The following GALNTL6 variants were observed in gnomAD, a reference collection of about 807,000 sequenced individuals.
The protein encoded by GALNTL6 is polypeptide N-acetylgalactosaminyltransferase like 6.
Under a neutral mutation model 73.7 loss-of-function variants are expected in GALNTL6, and 46 were observed. The observed-to-expected ratio is 0.62, with a 90% confidence interval of 0.49 to 0.80. The LOEUF is 0.80. Ranked by LOEUF, GALNTL6 falls within the 30% of genes least tolerant of loss-of-function variation. The probability of loss-of-function intolerance (pLI) is 0.00; values close to 1 mark genes in which losing one functional copy is unlikely to be tolerated. For missense variants in GALNTL6, 604 were observed against 755.0 expected (o/e 0.80, Z 2.34); for synonymous variants, 259 against 263.7 (o/e 0.98, Z 0.17).
intron 7 of GALNTL6, among the ~76,000 whole-genome samples, chr4:172,863,388 C>T (rs956428421): frequency 5.3e-5 from 8 of 152,200 alleles, no homozygotes; most frequent in African/African-American, 1.9e-4. Context: ...CTGTACCCTG[C>T]AAATCCACAT....
chr4:172,023,153 G>A lies in GALNTL6; in HGVS notation c.139-206503G>A, dbSNP rs982186245. Among the ~76,000 whole-genome samples the A allele has an allele frequency of 7.2e-5, 11 of 151,836 alleles. 1 individual carries two copies. The South Asian group carries it at 1.9e-3, about 26-fold the overall frequency. On this transcript the variant is annotated intron_variant, in intron 2 of 12. Coordinates refer to ENST00000506823, the MANE Select transcript of GALNTL6 (RefSeq NM_001034845.3). ...TATCTTGCTTAGCTCTGAGTGGCTT[G>A]CACCAATATATATCCAGAAATGAAA...
intron 5 of GALNTL6, among the ~76,000 whole-genome samples, chr4:172,460,934 A>G (rs182389320): frequency 6.6e-6 from 1 of 152,194 alleles, no homozygotes; most frequent in Non-Finnish European, 1.5e-5. Flanking sequence ...TTATTTCAGC[A>G]CTATTCACAA....
intron 5 of GALNTL6, among the ~76,000 whole-genome samples, chr4:172,378,438 C>T (rs865899606): frequency 2.0e-5 from 3 of 152,060 alleles, no homozygotes; most frequent in Non-Finnish European, 2.9e-5. Flanking sequence ...CAGTTAAGCA[C>T]AAAATTAATG....
chr4:172,219,219 A>ATATATATATATATATATATATC, intron 2 of GALNTL6, among the ~76,000 whole-genome samples: 1 of 147,258 alleles, frequency 6.8e-6, no homozygotes, highest in Non-Finnish European at 1.5e-5. Flanking sequence ...ATATATATAT[A>ATATATATATATATATATATATC]TATAATCCTT....
At chr4:172,553,179 T>C (rs548750994) in intron 5 of GALNTL6, among the ~76,000 whole-genome samples, 1 of 152,342 alleles carries the variant, frequency 6.6e-6, no homozygotes, top group African/African-American at 2.4e-5. Context: ...AAGTTGAATA[T>C]GATTCAAACC....
chr4:172,747,837 C>CAA lies in GALNTL6; in HGVS notation c.554-61512_554-61511dup, dbSNP rs374876929. Among the ~76,000 whole-genome samples, 459 of 131,766 alleles carry CAA rather than the reference C, an allele frequency of 3.5e-3. 7 individuals carry two copies. The highest frequency in any genetic ancestry group is 0.017 in the Admixed American group (227 of 13,140). 86.4% of individuals were successfully genotyped at this position (131,766 alleles called of 152,430 possible). ...ACAATGGAATTGTGCTATTCAGCTT[C>CAA]AAAAAAAAAAAAAGCCACAGGAAAA... On this transcript the variant is annotated intron_variant, in intron 5 of 12. Transcript: ENST00000506823.
intron 10 of GALNTL6, among the ~76,000 whole-genome samples, chr4:173,006,488 G>A (rs542936894): frequency 2.6e-5 from 4 of 152,216 alleles, no homozygotes; most frequent in African/African-American, 9.6e-5. Context: ...TGACCTTCTG[G>A]GTGTTTCTAT....
At chr4:173,005,959 T>C (rs756068199) in intron 10 of GALNTL6, among the ~76,000 whole-genome samples, 6 of 152,208 alleles carry the variant, frequency 3.9e-5, no homozygotes, top group South Asian at 2.1e-4. Context: ...CAGAGGCCTT[T>C]TGAGCTCATA....
intron 5 of GALNTL6, among the ~76,000 whole-genome samples, chr4:172,660,714 C>G (rs1369503584): frequency 6.6e-6 from 1 of 152,144 alleles, no homozygotes; most frequent in African/African-American, 2.4e-5. Flanking sequence ...TAAGCACACA[C>G]TTTGCTCAAG....
intron 3 of GALNTL6, among the ~76,000 whole-genome samples, chr4:172,295,253 C>G (rs34728024): frequency 6.6e-6 from 1 of 151,934 alleles, no homozygotes; most frequent in Middle Eastern, 3.2e-3. Flanking sequence ...AAAACTCTTT[C>G]TACTAAAAAT....
At chr4:172,981,191 A>T (rs1313947168) in intron 10 of GALNTL6, among the ~76,000 whole-genome samples, 1 of 152,220 alleles carries the variant, frequency 6.6e-6, no homozygotes, top group East Asian at 1.9e-4. Context: ...AGCCCTTGCT[A>T]TCAATTCTTT....
chr4:172,253,361 G>C (rs982804147), intron 3 of GALNTL6, among the ~76,000 whole-genome samples: 2 of 151,830 alleles, frequency 1.3e-5, no homozygotes, highest in Non-Finnish European at 2.9e-5. Context: ...CAAAAAGAAG[G>C]AGAAACCTGT....
intron 5 of GALNTL6, among the ~76,000 whole-genome samples, chr4:172,449,223 A>G (rs766254420): frequency 1.2e-4 from 19 of 152,158 alleles, no homozygotes; most frequent in Non-Finnish European, 2.8e-4. Flanking sequence ...CTCTTCTGCA[A>G]CCAGTACCTC....
chr4:172,469,080 C>T (rs1002507107), intron 5 of GALNTL6, among the ~76,000 whole-genome samples: 2 of 152,164 alleles, frequency 1.3e-5, no homozygotes, highest in African/African-American at 2.4e-5. Flanking sequence ...CCTGACAGAG[C>T]ATGGGACCCA....
At chr4:172,836,766 T>G (rs1245505741) in intron 7 of GALNTL6, among the ~76,000 whole-genome samples, 3 of 152,156 alleles carry the variant, frequency 2.0e-5, no homozygotes, top group African/African-American at 7.2e-5. Context: ...GTAACTGAGG[T>G]GTGAGTTTTA....
At chr4:172,698,573 A>G (rs951678293) in intron 5 of GALNTL6, among the ~76,000 whole-genome samples, 6 of 152,188 alleles carry the variant, frequency 3.9e-5, no homozygotes, top group African/African-American at 9.7e-5. Context: ...ATACTCTGCT[A>G]TCATGGGCTG....
intron 2 of GALNTL6, among the ~76,000 whole-genome samples, chr4:171,933,162 A>G (rs1738240141): frequency 1.3e-5 from 2 of 152,238 alleles, no homozygotes; most frequent in South Asian, 4.1e-4. Context: ...TCTTCAGATC[A>G]TCCATCCGTT....
intron 2 of GALNTL6, among the ~76,000 whole-genome samples, chr4:172,043,014 G>A (rs952146308): frequency 1.8e-4 from 27 of 151,738 alleles, no homozygotes; most frequent in African/African-American, 6.5e-4. Flanking sequence ...CTGATAATGA[G>A]TCACCGTCTT....
At chr4:172,453,005 C>T (rs1732264474) in intron 5 of GALNTL6, among the ~76,000 whole-genome samples, 1 of 152,144 alleles carries the variant, frequency 6.6e-6, no homozygotes, top group African/African-American at 2.4e-5. Flanking sequence ...GAGCTGAGAC[C>T]AGCCTGGCCA....
Sources: gnomAD v4.1 joint callset for allele counts (sites outside exome capture counted in the v4.1 genomes callset) on GRCh38, gnomAD v4.1.1 for gene constraint, MANE v1.5 for transcripts, NCBI Gene and HGNC (gene_info 2026-07-23, HGNC 2026-07-21) for gene names.